The following RBM33 variants were observed in gnomAD, a reference collection of about 807,000 sequenced individuals.
The protein encoded by RBM33 is RNA-binding protein 33.
In RBM33, 28 loss-of-function variants were observed where a neutral mutation model predicts 132.6. The observed-to-expected ratio is 0.21, with a 90% CI of 0.16 to 0.29. RBM33 has a LOEUF of 0.29. Ranked by LOEUF, RBM33 falls within the 10% of genes least tolerant of loss-of-function variation. The probability of loss-of-function intolerance (pLI) is 1.00; values close to 1 mark genes in which losing one functional copy is unlikely to be tolerated. For synonymous variants in RBM33, 634 were observed against 593.0 expected (o/e 1.07, Z -1.01); for missense variants, 1,291 against 1,518.5 (o/e 0.85, Z 2.49).
intron 8 of RBM33, among the ~76,000 whole-genome samples, chr7:155,715,661 G>C (rs946648266): frequency 6.6e-6 from 1 of 152,180 alleles, no homozygotes; most frequent in African/African-American, 2.4e-5. Flanking sequence ...ATTTACCTTT[G>C]ACCTTCAGAG....
intron 5 of RBM33, among the ~76,000 whole-genome samples, chr7:155,690,563 C>T (rs1032388395): frequency 6.6e-6 from 1 of 152,096 alleles, no homozygotes; most frequent in African/African-American, 2.4e-5. Context: ...TTCCTAGTAT[C>T]GATGGTCTTT....
chr7:155,721,604 C>T (rs1050122193), intron 9 of RBM33, among the ~76,000 whole-genome samples: 3 of 151,936 alleles, frequency 2.0e-5, no homozygotes, highest in Non-Finnish European at 4.4e-5. Context: ...GATACATTTG[C>T]TATTTATGCT....
Position 155,658,349 on chromosome 7 carries a change from C to G in RBM33, c.44-6826C>G, listed in dbSNP as rs559728995. On this transcript the variant is annotated intron_variant, in intron 1 of 17. Coordinates refer to ENST00000401878, the MANE Select transcript of RBM33 (RefSeq NM_053043.3). Reference sequence around the variant, plus strand: ...TTTCAATTTATTAGTGTCTTTGGGTCTAAAGTGAGTCTCTAATAGGCAGCA... The same window carrying G: ...TTTCAATTTATTAGTGTCTTTGGGTGTAAAGTGAGTCTCTAATAGGCAGCA... Among the ~76,000 whole-genome samples the G allele has an allele frequency of 2.7e-5, 4 of 148,458 alleles. No individual in the cohort carries two copies. In the East Asian group the frequency reaches 7.9e-4, roughly 29 times the overall value.
chr7:155,663,767 A>G (rs1405955431), intron 1 of RBM33, among the ~76,000 whole-genome samples: 2 of 152,076 alleles, frequency 1.3e-5, no homozygotes, highest in Non-Finnish European at 2.9e-5. Flanking sequence ...ATCTGGCCCT[A>G]CCTACCCCAA....
At chr7:155,733,158 A>T (rs1054273954) in intron 9 of RBM33, among the ~76,000 whole-genome samples, 4 of 152,214 alleles carry the variant, frequency 2.6e-5, no homozygotes, top group Non-Finnish European at 4.4e-5. Flanking sequence ...AAATTTTTCA[A>T]GGAAATACCG....
At chr7:155,761,064 C>T (rs984170242) in intron 14 of RBM33, among the ~76,000 whole-genome samples, 2 of 152,176 alleles carry the variant, frequency 1.3e-5, no homozygotes, top group East Asian at 1.9e-4. Flanking sequence ...CCTGGCTGGA[C>T]GATAGCAGAT....
At chr7:155,769,400 G>A (rs916983823) in intron 16 of RBM33, among the ~76,000 whole-genome samples, 3 of 152,198 alleles carry the variant, frequency 2.0e-5, no homozygotes, top group African/African-American at 2.4e-5. Context: ...GACTTCTCCC[G>A]AGTCAGCTTT....
intron 1 of RBM33, among the ~76,000 whole-genome samples, chr7:155,664,346 G>A (rs180883161): frequency 3.0e-4 from 45 of 151,824 alleles, no homozygotes; most frequent in African/African-American, 4.6e-4. Context: ...TTTGCCTCCC[G>A]GTTCAAGCGA....
At chr7:155,673,940 G>GTTTTTTTTTTTTTTTTTTTTTTTTT (rs71186053) in intron 3 of RBM33, among the ~76,000 whole-genome samples, 7 of 54,194 alleles carry the variant, frequency 1.3e-4, no homozygotes, top group East Asian at 6.8e-4. Flanking sequence ...TTTAGGCTTA[G>GTTTTTTTTTTTTTTTTTTTTTTTTT]TTTTTTTTTT....
chr7:155,730,119 G>A (rs999384101), intron 9 of RBM33, among the ~76,000 whole-genome samples: 3 of 152,200 alleles, frequency 2.0e-5, no homozygotes, highest in Admixed American at 6.5e-5. Context: ...GCCAGGCACT[G>A]GGCCAAGTAT....
At chr7:155,768,370 G>T (rs1802292986) in intron 16 of RBM33, among the ~76,000 whole-genome samples, 1 of 152,172 alleles carries the variant, frequency 6.6e-6, no homozygotes, top group Non-Finnish European at 1.5e-5. Context: ...GGTTTGTATA[G>T]ACCTCTTAAA....
rs116128665 is a variant in RBM33 at position 155,660,472 on chromosome 7, C to T, written c.44-4703C>T. ...TTCAACCAGTTATAAGCAGTTCTGC[C>T]AGCAACAGATTTCTTCCTGTTCTGT... On this transcript the variant is annotated intron_variant, in intron 1 of 17. Coordinates refer to ENST00000401878, the MANE Select transcript of RBM33 (RefSeq NM_053043.3). Among the ~76,000 whole-genome samples, 654 of 152,282 alleles carry T rather than the reference C, an allele frequency of 4.3e-3. 6 individuals are homozygous for T. Among genetic ancestry groups the T allele is most frequent in the African/African-American group, 0.015 (621 of 41,548 alleles).
intron 6 of RBM33, chr7:155,701,543 A>G (rs906498501): frequency 2.0e-5 from 3 of 152,620 alleles, no homozygotes. Context: ...AGTGTTTTTC[A>G]ATGTCCACTG....
intron 1 of RBM33, among the ~76,000 whole-genome samples, chr7:155,653,992 G>C (rs972319310): frequency 1.3e-5 from 2 of 152,106 alleles, no homozygotes; most frequent in African/African-American, 4.8e-5. Context: ...TGGAGTTGTT[G>C]GTATTGCAGT....
rs775074848 is a variant in RBM33, at chr7:155,745,018, C to T, written c.2395C>T (p.Arg799Cys). 25 of 1,607,336 alleles carry T rather than the reference C, an allele frequency of 1.6e-5. No individual in the cohort carries two copies. In the Admixed American group the frequency reaches 1.9e-4, roughly 12 times the overall value. The change falls in exon 14 of 18, where the codon CGC becomes TGC. Residue 799 changes from arginine (R) to cysteine (C), a missense_variant. By Grantham distance (180) the Arg-to-Cys change is radical. Coordinates refer to ENST00000401878, the MANE Select transcript of RBM33 (RefSeq NM_053043.3). This position sits in a 1 kb window ranked among gnomAD's most constrained non-coding sequence, Gnocchi z 4.1. ...LYRLKIEEQKRLREEILKQKE... is the reference protein window; with the variant it reads ...LYRLKIEEQKCLREEILKQKE... ...TCGCTTAAAGATAGAAGAACAGAAACGCCTAAGAGAAGAAATCCTGAAACA... is the reference window on the plus strand; with the variant it reads ...TCGCTTAAAGATAGAAGAACAGAAATGCCTAAGAGAAGAAATCCTGAAACA...
At chr7:155,728,176 G>C (rs1341223894) in intron 9 of RBM33, among the ~76,000 whole-genome samples, 1 of 152,106 alleles carries the variant, frequency 6.6e-6, no homozygotes, top group Non-Finnish European at 1.5e-5. Context: ...GCTACCACTT[G>C]GCTGATATGC....
At position 155,644,669 on chromosome 7, in the gene RBM33, G is replaced by A. The variant is rs1256845351; in HGVS notation, c.-208G>A. On this transcript the variant is annotated 5_prime_UTR_variant, in exon 1 of 18. Transcript: ENST00000401878. ...CCAGGGTGCACCGCGGCGGGCGCGG[G>A]CGCGCGGCCATGTTGCGGTAGTTTG... 7 of 421,478 alleles carry A rather than the reference G, an allele frequency of 1.7e-5. No homozygotes were observed. The highest frequency in any genetic ancestry group is 2.9e-5 in the Non-Finnish European group (7 of 238,618). 26.1% of individuals were successfully genotyped at this position (421,478 alleles called of 1,614,324 possible).
At chr7:155,672,780 A>T in intron 2 of RBM33, 87 bp from the exon 3 acceptor site, 28 of 696,750 alleles carry the variant, frequency 4.0e-5, no homozygotes, top group Non-Finnish European at 6.1e-5. Context: ...CCTGAGCTGT[A>T]GAGTTCTTGG....
chr7:155,691,035 C>T (rs999102336), intron 5 of RBM33, among the ~76,000 whole-genome samples: 2 of 152,112 alleles, frequency 1.3e-5, no homozygotes, highest in African/African-American at 4.8e-5. Context: ...ATTGGGGAAG[C>T]TCTCCTGGAT....
Sources: gnomAD v4.1 joint callset for allele counts (sites outside exome capture counted in the v4.1 genomes callset) on GRCh38, gnomAD v4.1.1 for gene constraint, Gnocchi (gnomAD v3.1) non-coding constraint, MANE v1.5 for transcripts, NCBI Gene and HGNC (gene_info 2026-07-23, HGNC 2026-07-21) for gene names.